Variants in ABCC9 observed in about 807,000 individuals in gnomAD.
ABCC9 encodes the protein ATP-binding cassette sub-family C member 9.
ABCC9 carries 95 observed loss-of-function variants against 188.3 expected under a neutral mutation model. The ratio of observed to expected loss-of-function variants is 0.50; its 90% CI spans 0.43 to 0.60. ABCC9 has a LOEUF of 0.60. Among genes scored for constraint, ABCC9 ranks in the 20% least tolerant of loss-of-function variants. The pLI, the probability that ABCC9 is intolerant of heterozygous loss-of-function variation, is 0.00. For synonymous variants in ABCC9, 659 were observed against 652.7 expected, an observed-to-expected ratio of 1.01 and a Z score of -0.15; for missense variants, 1,102 against 1,876.3, an observed-to-expected ratio of 0.59 and a Z score of 7.62.
At chr12:21,922,748 T>TTC (rs1378683905) in intron 5 of ABCC9, among the ~76,000 whole-genome samples, 2 of 132,422 alleles carry the variant, frequency 1.5e-5, no homozygotes, top group African/African-American at 7.0e-5. Context: ...GCTTTTTTTT[T>TTC]TTCTTTTTTT....
chr12:21,906,616 A>C (rs560506148), intron 11 of ABCC9, among the ~76,000 whole-genome samples: 3 of 152,132 alleles, frequency 2.0e-5, no homozygotes, highest in Non-Finnish European at 2.9e-5. Flanking sequence ...ATAAATTTAC[A>C]TAATAAGGAG....
intron 2 of ABCC9, among the ~76,000 whole-genome samples, chr12:21,940,374 G>C (rs1949642113): frequency 6.6e-6 from 1 of 152,204 alleles, no homozygotes; most frequent in Non-Finnish European, 1.5e-5. Context: ...AGCATTTTCA[G>C]GATGGATGTC....
chr12:21,810,597 G>A (rs1238810284), intron 36 of ABCC9, among the ~76,000 whole-genome samples: 2 of 151,990 alleles, frequency 1.3e-5, no homozygotes, highest in Non-Finnish European at 2.9e-5. Flanking sequence ...GATCTCATGA[G>A]AACTCACTCA....
chr12:21,837,710 A>G (rs1944172080), intron 30 of ABCC9, among the ~76,000 whole-genome samples: 1 of 152,218 alleles, frequency 6.6e-6, no homozygotes, highest in Non-Finnish European at 1.5e-5. Context: ...TGCTTCTTCA[A>G]TAGTCAGTGT....
At chr12:21,929,875 G>A (rs1220854959) in intron 4 of ABCC9, among the ~76,000 whole-genome samples, 2 of 151,992 alleles carry the variant, frequency 1.3e-5, no homozygotes, top group African/African-American at 4.8e-5. Flanking sequence ...GGGTACATGT[G>A]CACAACATGC....
In ABCC9 at chr12:21,798,800, A is replaced by T. The variant is rs1439892061; in HGVS notation, c.*2244T>A. The stretch of plus-strand genomic sequence containing the variant: ...CTGCTATAAAGACACATGCACACGT[A>T]TGTTTATTGCGGCATTATTCACAAT... On this transcript the variant is annotated 3_prime_UTR_variant, in exon 40 of 40. Transcript: ENST00000261200. 6.8e-6 allele frequency: 1 copy of T among 146,970 alleles called. No homozygotes were observed. Among genetic ancestry groups the T allele is most frequent in the East Asian group, 2.0e-4 (1 of 5,052 alleles). 9.1% of individuals were successfully genotyped at this position (146,970 alleles called of 1,614,324 possible).
intron 15 of ABCC9, 73 bp downstream of exon 15, chr12:21,887,753 G>A (rs1946952460): frequency 5.0e-6 from 5 of 992,594 alleles, no homozygotes; most frequent in Non-Finnish European, 8.1e-6. Flanking sequence ...TTCTAACTCA[G>A]TTGTATTAAT....
At chr12:21,812,739 A>G (rs1024748982) in intron 35 of ABCC9, among the ~76,000 whole-genome samples, 6 of 152,092 alleles carry the variant, frequency 3.9e-5, no homozygotes, top group African/African-American at 7.2e-5. Context: ...TAGGAGAAAT[A>G]CCTAATGTAG....
chr12:21,849,136 T>G (rs11046210), intron 24 of ABCC9, among the ~76,000 whole-genome samples: 4 of 152,148 alleles, frequency 2.6e-5, no homozygotes, highest in African/African-American at 4.8e-5. Context: ...CCACACATTT[T>G]GGAATCTATG....
At chr12:21,915,255 G>GTATATAATGTGTATATATA (rs1321376188) in intron 7 of ABCC9, among the ~76,000 whole-genome samples, 4 of 117,292 alleles carry the variant, frequency 3.4e-5, no homozygotes, top group African/African-American at 1.3e-4. Context: ...GTGTGTGTGT[G>GTATATAATGTGTATATATA]TGTGTGTATA....
At chr12:21,893,417 G>C (rs1332017725) in intron 14 of ABCC9, among the ~76,000 whole-genome samples, 1 of 152,070 alleles carries the variant, frequency 6.6e-6, no homozygotes, top group Non-Finnish European at 1.5e-5. Flanking sequence ...CACTATTGTT[G>C]CCAATATAAA....
At chr12:21,852,299 C>T in intron 23 of ABCC9, 69 bp downstream of exon 23, 1 of 1,612,818 alleles carries the variant, frequency 6.2e-7, no homozygotes, top group South Asian at 1.1e-5. Flanking sequence ...TTTCAGAAAG[C>T]ATTTTTTACT....
rs1251642440 is a variant in ABCC9 at position 21,913,061 on chromosome 12, T to C, written c.822A>G (p.Lys274=). 2 of 1,597,136 alleles carry C rather than the reference T, an allele frequency of 1.3e-6. No individual in the cohort carries two copies. Among genetic ancestry groups the C allele is most frequent in the South Asian group, 2.3e-5 (2 of 86,646 alleles). Residue 274 remains lysine (K), a synonymous_variant, in exon 8 of 40, where the codon AAA becomes AAG. Transcript: ENST00000261200. ...GAGTCCGATTTGGATGATCTGCAACTTTTTTCTGAAGAAAAAAAAAAGAAA... is the reference window on the plus strand; with the variant it reads ...GAGTCCGATTTGGATGATCTGCAACCTTTTTCTGAAGAAAAAAAAAAGAAA... ...LKDAYEEQKK[K]VADHPNRTPS... is the part of the protein sequence containing the mutation.
chr12:21,822,316 T>G (rs1184321088), intron 31 of ABCC9, among the ~76,000 whole-genome samples: 5 of 140,512 alleles, frequency 3.6e-5, no homozygotes, highest in Non-Finnish European at 7.8e-5. Context: ...CTAAAAACTG[T>G]TTTTTTTTTT....
chr12:21,923,527 A>G (rs1476637634), intron 5 of ABCC9: 9 of 288,496 alleles, frequency 3.1e-5, no homozygotes, highest in Middle Eastern at 9.4e-4. Flanking sequence ...AACTCATCAA[A>G]GAGTGTTCAA....
At chr12:21,815,934 T>C in intron 33 of ABCC9, 41 bp from the exon 34 acceptor site, 2 of 1,564,794 alleles carry the variant, frequency 1.3e-6, no homozygotes. Flanking sequence ...AATAGGCAGA[T>C]AGAGATTGAT....
chr12:21,845,550 G>T, intron 26 of ABCC9, 53 bp downstream of exon 26: 2 of 1,428,624 alleles, frequency 1.4e-6, no homozygotes, highest in South Asian at 1.2e-5. Context: ...AGGTATCACT[G>T]TTAATCTCAA....
chr12:21,862,862 G>A, intron 20 of ABCC9, 91 bp downstream of exon 20: 1 of 849,940 alleles, frequency 1.2e-6, no homozygotes, highest in Non-Finnish European at 2.0e-6. Context: ...AATACCAGAT[G>A]TAAAGGTTCC....
chr12:21,907,068 A>C (rs936478885), intron 11 of ABCC9, among the ~76,000 whole-genome samples: 5 of 152,122 alleles, frequency 3.3e-5, no homozygotes, highest in Non-Finnish European at 7.4e-5. Context: ...CAAAAGTAGC[A>C]AACAGCCTGG....
Sources: gnomAD v4.1 joint callset for allele counts (sites outside exome capture counted in the v4.1 genomes callset) on GRCh38, gnomAD v4.1.1 for gene constraint, MANE v1.5 for transcripts, NCBI Gene and HGNC (gene_info 2026-07-23, HGNC 2026-07-21) for gene names.